The following MAGI1 variants were observed in gnomAD, a reference collection of about 807,000 sequenced individuals.
MAGI1 encodes the protein membrane-associated guanylate kinase, WW and PDZ domain-containing protein 1.
MAGI1 carries 58 observed loss-of-function variants against 139.9 expected under a neutral mutation model. The observed-to-expected ratio is 0.41, with a 90% CI of 0.34 to 0.52. The LOEUF (loss-of-function observed/expected upper bound fraction) is 0.52. MAGI1 is among the 20% of genes least tolerant of loss of function. MAGI1 has a pLI of 0.12. For synonymous variants in MAGI1, 812 were observed against 737.9 expected (o/e 1.10, Z -1.63); for missense variants, 1,874 against 1,901.6 (o/e 0.99, Z 0.27).
intron 12 of MAGI1, among the ~76,000 whole-genome samples, chr3:65,403,808 T>G (rs1945105670): frequency 6.6e-6 from 1 of 152,200 alleles, no homozygotes. Flanking sequence ...TTTTTCATTC[T>G]CTAGCAATGC....
chr3:65,891,885 A>T (rs1220437816), intron 1 of MAGI1, among the ~76,000 whole-genome samples: 398 of 37,526 alleles, frequency 0.011, 3 homozygotes, highest in African/African-American at 0.02. Context: ...CTTAAAGTAT[A>T]ATATATATAT....
intron 1 of MAGI1, among the ~76,000 whole-genome samples, chr3:65,900,255 A>C (rs918581084): frequency 1.3e-5 from 2 of 152,194 alleles, no homozygotes; most frequent in Non-Finnish European, 2.9e-5. Flanking sequence ...TAAAAATCCC[A>C]TCCATCACCC....
At chr3:65,434,907 G>A (rs758592644) in intron 10 of MAGI1, among the ~76,000 whole-genome samples, 2 of 152,168 alleles carry the variant, frequency 1.3e-5, no homozygotes, top group Non-Finnish European at 2.9e-5. Context: ...AATGGTATTT[G>A]GAAGTGGGGC....
intron 1 of MAGI1, among the ~76,000 whole-genome samples, chr3:65,670,139 G>A (rs570012562): frequency 1.3e-5 from 2 of 152,060 alleles, no homozygotes; most frequent in African/African-American, 2.4e-5. Context: ...TCAAACTGAT[G>A]TCTCATCATT....
At chr3:65,406,776 TAC>T (rs1945372116) in intron 12 of MAGI1, among the ~76,000 whole-genome samples, 2 of 151,008 alleles carry the variant, frequency 1.3e-5, no homozygotes, top group Non-Finnish European at 3.0e-5. Flanking sequence ...TATACACACA[TAC>T]ACACACAGTT....
chr3:65,808,786 A>AC (rs11386285), intron 1 of MAGI1, among the ~76,000 whole-genome samples: 5,620 of 152,196 alleles, frequency 0.037, 345 homozygotes, highest in African/African-American at 0.13. Context: ...CGCACACAGG[A>AC]CCTACATGGG....
At chr3:65,713,433 A>AT (rs1466065082) in intron 1 of MAGI1, among the ~76,000 whole-genome samples, 1 of 152,120 alleles carries the variant, frequency 6.6e-6, no homozygotes, top group Non-Finnish European at 1.5e-5. Flanking sequence ...TGCAAGAGAG[A>AT]TTTTTTAAAA....
chr3:65,903,690 C>T (rs763470386), intron 1 of MAGI1, among the ~76,000 whole-genome samples: 6 of 152,082 alleles, frequency 3.9e-5, no homozygotes, highest in Non-Finnish European at 7.4e-5. Flanking sequence ...GTGCTTATTT[C>T]GATTTGCCTA....
At chr3:65,608,215 G>T (rs1009616013) in intron 2 of MAGI1, among the ~76,000 whole-genome samples, 1 of 152,212 alleles carries the variant, frequency 6.6e-6, no homozygotes, top group South Asian at 2.1e-4. Flanking sequence ...GGTGAGACAG[G>T]CGGATCACCT....
At chr3:65,555,112 G>A (rs527427711) in intron 2 of MAGI1, among the ~76,000 whole-genome samples, 1 of 152,260 alleles carries the variant, frequency 6.6e-6, no homozygotes, top group Non-Finnish European at 1.5e-5. Flanking sequence ...TACAATTTTT[G>A]TAACTTTTCT....
chr3:65,732,630 AAT>A (rs2034306202), intron 1 of MAGI1, among the ~76,000 whole-genome samples: 1 of 152,242 alleles, frequency 6.6e-6, no homozygotes, highest in Non-Finnish European at 1.5e-5. Flanking sequence ...GGATTCCTTC[AAT>A]ATAATATACA....
intron 22 of MAGI1, chr3:65,360,604 T>C (rs937075970): frequency 1.0e-6 from 1 of 985,472 alleles, no homozygotes; most frequent in African/African-American, 1.7e-5. Flanking sequence ...AAAAACATTA[T>C]GGCTAATATA....
intron 1 of MAGI1, among the ~76,000 whole-genome samples, chr3:65,812,250 G>A (rs2041290957): frequency 6.6e-6 from 1 of 152,024 alleles, no homozygotes; most frequent in Non-Finnish European, 1.5e-5. Flanking sequence ...CAGTACAGAT[G>A]CAACATAAAG....
intron 1 of MAGI1, among the ~76,000 whole-genome samples, chr3:66,003,170 C>A (rs1335588288): frequency 1.3e-5 from 2 of 152,158 alleles, no homozygotes; most frequent in Non-Finnish European, 2.9e-5. Flanking sequence ...AACTACAAAG[C>A]CCTTTCCCCT....
chr3:65,696,025 A>G (rs955454758), intron 1 of MAGI1, among the ~76,000 whole-genome samples: 4 of 152,118 alleles, frequency 2.6e-5, no homozygotes, highest in Admixed American at 6.5e-5. Context: ...TCCTCTTCTC[A>G]CTCAAGATAA....
intron 9 of MAGI1, among the ~76,000 whole-genome samples, chr3:65,437,501 T>A (rs1219484938): frequency 1.3e-5 from 2 of 151,470 alleles, no homozygotes; most frequent in Non-Finnish European, 2.9e-5. Flanking sequence ...AAGTCCAAAG[T>A]GAAGTCAGTT....
In MAGI1 at chr3:65,356,842, C is replaced by T; in HGVS notation, c.3925G>A (p.Ala1309Thr). Residue 1309 changes from alanine to threonine, a missense_variant, in exon 23 of 23, where the codon GCC becomes ACC. Physicochemically the swap from Ala to Thr is moderately conservative, Grantham distance 58. Transcript: ENST00000402939. The part of the protein sequence containing the change: ...RAPEGRRDAQ[A>T]ERAAAANGPK... Reference sequence around the variant, plus strand: ...CCGTTGGCGGCTGCCGCGCGCTCGGCCTGCGCGTCCCTCCGTCCCTCCGGC... The same window carrying T: ...CCGTTGGCGGCTGCCGCGCGCTCGGTCTGCGCGTCCCTCCGTCCCTCCGGC... 2 of 1,613,472 alleles carry T rather than the reference C, an allele frequency of 1.2e-6. No homozygotes were observed. Among genetic ancestry groups the T allele is most frequent in the South Asian group, 2.2e-5 (2 of 91,030 alleles).
chr3:65,564,773 G>T (rs1365751802), intron 2 of MAGI1, among the ~76,000 whole-genome samples: 1 of 152,134 alleles, frequency 6.6e-6, no homozygotes, highest in Non-Finnish European at 1.5e-5. Context: ...TGTCAAAAGT[G>T]CTCTTAAATG....
chr3:65,625,563 T>C (rs1019049560), intron 1 of MAGI1, among the ~76,000 whole-genome samples: 2 of 152,092 alleles, frequency 1.3e-5, no homozygotes, highest in African/African-American at 2.4e-5. Flanking sequence ...TGTCACAAGA[T>C]TGTTGTGAGG....
Sources: allele counts gnomAD v4.1 joint callset (sites outside exome capture counted in the v4.1 genomes callset), GRCh38; gene constraint gnomAD v4.1.1; transcripts MANE v1.5; gene names NCBI Gene and HGNC (gene_info 2026-07-23, HGNC 2026-07-21).